Variants in PFKFB3 observed in about 807,000 individuals in gnomAD.
PFKFB3 encodes the protein 6-phosphofructo-2-kinase/fructose-2,6-biphosphatase 3, also known as 6-phosphofructo-2-kinase/fructose-2,6-bisphosphatase 3.
A neutral mutation model predicts 68.0 loss-of-function variants in PFKFB3; 33 were observed. The ratio of observed to expected loss-of-function variants is 0.49; its 90% CI spans 0.37 to 0.65. PFKFB3 has a LOEUF of 0.65. Ranked by LOEUF, PFKFB3 falls within the 30% of genes least tolerant of loss-of-function variation. The probability of loss-of-function intolerance (pLI) is 0.00; values close to 1 mark genes in which losing one functional copy is unlikely to be tolerated. For missense variants in PFKFB3, 586 were observed against 712.2 expected (o/e 0.82, Z 2.02); for synonymous variants, 315 against 288.2 (o/e 1.09, Z -0.94).
intron 1 of PFKFB3, among the ~76,000 whole-genome samples, chr10:6,157,491 G>A (rs1001489737): frequency 6.6e-6 from 1 of 152,204 alleles, no homozygotes; most frequent in Admixed American, 6.5e-5. Flanking sequence ...CTCCCAAAGT[G>A]CTGGGATTAC....
At chr10:6,277,849 G>A in the PFKFB3 span, 1 of 260,988 alleles carries the variant, frequency 3.8e-6, no homozygotes, top group Non-Finnish European at 8.2e-6. Context: ...AATACAGCAT[G>A]TAACCTGCTA....
chr10:6,244,510 T>C (rs1273257088), intron 14 of PFKFB3, among the ~76,000 whole-genome samples: 1 of 152,174 alleles, frequency 6.6e-6, no homozygotes, highest in Non-Finnish European at 1.5e-5. Flanking sequence ...CCAGAAAAGC[T>C]GTATTTAGCA....
chr10:6,176,115 A>G (rs1842459121), intron 1 of PFKFB3, among the ~76,000 whole-genome samples: 1 of 152,268 alleles, frequency 6.6e-6, no homozygotes, highest in Non-Finnish European at 1.5e-5. Flanking sequence ...GTGCAGTGGA[A>G]TACTACAGAA....
At chr10:6,216,235 A>G (rs1167888904) in intron 4 of PFKFB3, 44 bp downstream of exon 4, 1 of 1,550,178 alleles carries the variant, frequency 6.5e-7, no homozygotes, top group Admixed American at 1.7e-5. Flanking sequence ...AGTCCCACCC[A>G]TGAGGGTGTC....
At chr10:6,236,653 G>C (rs1846018710), downstream of PFKFB3, among the ~76,000 whole-genome samples, 2 of 152,246 alleles carry the variant, frequency 1.3e-5, no homozygotes, top group South Asian at 2.1e-4. Context: ...AGCCACGTTT[G>C]ATGGCGTGAG....
intron 1 of PFKFB3, among the ~76,000 whole-genome samples, chr10:6,151,864 G>A (rs927154273): frequency 1.6e-4 from 24 of 152,018 alleles, no homozygotes; most frequent in Admixed American, 1.2e-3. Flanking sequence ...GCTGTCGGGC[G>A]GCAGGCACTG....
At chr10:6,267,954 C>CA in the PFKFB3 span, among the ~76,000 whole-genome samples, 4,840 of 85,862 alleles carry the variant, frequency 0.056, 308 homozygotes, top group African/African-American at 0.12. Flanking sequence ...GACCCTATCT[C>CA]AAAAAAAAAA....
rs540465116 is a variant in PFKFB3 at position 6,223,063 on chromosome 10, C to T, written c.1213+79C>T. ...GGCGGGGGGTCAGCCGCAGACCTGCCGTGGCCTGCCCTGTGTTGGCTGCTG... is the reference window on the plus strand; with the variant it reads ...GGCGGGGGGTCAGCCGCAGACCTGCTGTGGCCTGCCCTGTGTTGGCTGCTG... On this transcript the variant is annotated intron_variant, in intron 11 of 14. Transcript: ENST00000379775. 200 of 1,458,080 alleles carry T rather than the reference C, an allele frequency of 1.4e-4. No individual in the cohort carries two copies. The South Asian group carries it at 1.5e-3, about 11-fold the overall frequency. The allele number at this position is 1,458,080 out of a possible 1,614,324, so 90.3% of individuals were successfully genotyped here. A position where few individuals can be genotyped will look rare whatever the true frequency, so the allele number is the denominator to read the frequency against.
chr10:6,313,031 G>T, the PFKFB3 span, among the ~76,000 whole-genome samples: 1 of 152,222 alleles, frequency 6.6e-6, no homozygotes, highest in Admixed American at 6.5e-5. This position sits in a 1 kb window ranked among gnomAD's most constrained non-coding sequence, Gnocchi z 4.2. Context: ...GAACTGGGGG[G>T]TAGAATACTT....
At chr10:6,198,178 G>A (rs1470177047), upstream of PFKFB3, among the ~76,000 whole-genome samples, 4 of 151,576 alleles carry the variant, frequency 2.6e-5, no homozygotes, top group African/African-American at 7.3e-5. Flanking sequence ...CCTGAGAGGC[G>A]GAGGTGGCAG....
At chr10:6,284,483 A>C in the PFKFB3 span, among the ~76,000 whole-genome samples, 3 of 152,202 alleles carry the variant, frequency 2.0e-5, no homozygotes, top group Non-Finnish European at 4.4e-5. Context: ...CTTTGTCTGA[A>C]ATTAATACAA....
chr10:6,218,277 C>G (rs1844724407), intron 6 of PFKFB3, among the ~76,000 whole-genome samples: 1 of 152,060 alleles, frequency 6.6e-6, no homozygotes, highest in Non-Finnish European at 1.5e-5. Context: ...CCCCAACCCA[C>G]CATGTTCAGA....
rs555154575 is a variant in PFKFB3 at position 6,233,225 on chromosome 10, A to G, written c.*283A>G. On this transcript the variant is annotated 3_prime_UTR_variant, in exon 15 of 15. Coordinates refer to ENST00000379775, the MANE Select transcript of PFKFB3 (RefSeq NM_004566.4). ...ATGTCCAGCCTCGGAGACCTTCACAAAGCCTTGGGAGGGTGATGAGTGCTG... is the reference window on the plus strand; with the variant it reads ...ATGTCCAGCCTCGGAGACCTTCACAGAGCCTTGGGAGGGTGATGAGTGCTG... The G allele has an allele frequency of 2.7e-4, 112 of 422,394 alleles. No homozygotes were observed. Among genetic ancestry groups the G allele is most frequent in the Non-Finnish European group, 3.8e-4 (88 of 231,380 alleles). 26.2% of individuals were successfully genotyped at this position (422,394 alleles called of 1,614,324 possible). A position where few individuals can be genotyped will look rare whatever the true frequency, so the allele number is the denominator to read the frequency against.
Position 6,249,979 on chromosome 10 carries a change from A to T in PFKFB3, c.1516-4199A>T, listed in dbSNP as rs1311548212. On this transcript the variant is annotated intron_variant, in intron 14 of 14. Coordinates refer to the PFKFB3 transcript ENST00000640683. Reference sequence around the variant, plus strand: ...AATATTATTTGCCAATTTACAATTTAAAAATGTGAACATTTAAAAAAGCAT... The same window carrying T: ...AATATTATTTGCCAATTTACAATTTTAAAATGTGAACATTTAAAAAAGCAT... 3.3e-5 allele frequency among the ~76,000 whole-genome samples: 5 copies of T among 152,204 alleles called. No homozygotes were observed. The East Asian group carries it at 7.7e-4, about 23-fold the overall frequency.
rs1050765518 is a variant in PFKFB3 at position 6,220,385 on chromosome 10, G to A, written c.624-273G>A. On this transcript the variant is annotated intron_variant, in intron 7 of 14. Coordinates refer to ENST00000379775, the MANE Select transcript of PFKFB3 (RefSeq NM_004566.4). The surrounding 1 kb of genome is among the most constrained non-coding windows in gnomAD (Gnocchi z 4.1). ...CCCAAAGTGCTGGGATTACAGGCAT[G>A]AGCCACTGCACAGGCCCCTTTCTTT... Among the ~76,000 whole-genome samples, 8 of 152,174 alleles carry A rather than the reference G, an allele frequency of 5.3e-5. No homozygotes were observed. Among genetic ancestry groups the A allele is most frequent in the African/African-American group, 1.7e-4 (7 of 41,432 alleles).
In PFKFB3 at chr10:6,226,257, A is replaced by G. The variant is rs757173698; in HGVS notation, c.1407A>G (p.Glu469=). 1 of 1,614,032 alleles carries G rather than the reference A, an allele frequency of 6.2e-7. No homozygotes were observed. Among genetic ancestry groups the G allele is most frequent in the Non-Finnish European group, 8.5e-7 (1 of 1,179,980 alleles). The change falls in exon 14 of 15, where the codon GAA becomes GAG. Residue 469 remains glutamate, a synonymous_variant. Coordinates refer to ENST00000379775, the MANE Select transcript of PFKFB3 (RefSeq NM_004566.4). ...GTGTCACCCCGCTAGCCAGCCCCGA[A>G]CCCACCAAAAAGCCTCGCATCAACA... ...RNSVTPLASP[E]PTKKPRINSF...
chr10:6,211,521 A>G (rs2131923046), intron 1 of PFKFB3, among the ~76,000 whole-genome samples: 1 of 152,246 alleles, frequency 6.6e-6, no homozygotes, highest in East Asian at 1.9e-4. Flanking sequence ...CTTTCCTGAT[A>G]TGGCAGCTAC....
intron 1 of PFKFB3, among the ~76,000 whole-genome samples, chr10:6,182,592 T>G (rs965380308): frequency 2.6e-5 from 4 of 152,186 alleles, no homozygotes; most frequent in Non-Finnish European, 5.9e-5. Flanking sequence ...AGCAGAGCAG[T>G]AGGTCCCGAG....
the PFKFB3 span, among the ~76,000 whole-genome samples, chr10:6,295,437 C>A: frequency 6.6e-6 from 1 of 151,938 alleles, no homozygotes; most frequent in Non-Finnish European, 1.5e-5. Context: ...GTTGGCCAGG[C>A]TGGTCTTGAA....
Sources: gnomAD v4.1 joint callset for allele counts (sites outside exome capture counted in the v4.1 genomes callset) on GRCh38, gnomAD v4.1.1 for gene constraint, Gnocchi (gnomAD v3.1) non-coding constraint, MANE v1.5 for transcripts, NCBI Gene and HGNC (gene_info 2026-07-23, HGNC 2026-07-21) for gene names.